Variants in MDN1 observed in about 807,000 individuals in gnomAD.
MDN1 encodes midasin AAA ATPase 1, also known as midasin.
MDN1 carries 266 observed loss-of-function variants against 669.2 expected under a neutral mutation model. That is an observed-to-expected ratio of 0.40 (90% CI 0.36 to 0.44). The LOEUF (loss-of-function observed/expected upper bound fraction) is 0.44. Ranked by LOEUF, MDN1 falls within the 20% of genes least tolerant of loss-of-function variation. The probability of loss-of-function intolerance (pLI) is 1.00; values close to 1 mark genes in which losing one functional copy is unlikely to be tolerated. For synonymous variants in MDN1, 2,385 were observed against 2,457.1 expected (o/e 0.97, Z 0.87); for missense variants, 5,940 against 6,754.0 (o/e 0.88, Z 4.22).
chr6:89,699,620 G>C lies in MDN1; in HGVS notation c.8978C>G (p.Ser2993Cys). Residue 2993 changes from serine (S) to cysteine (C), a missense_variant, in exon 58 of 102, where the codon TCC becomes TGC. Coordinates refer to ENST00000369393, the MANE Select transcript of MDN1 (RefSeq NM_014611.3). ...VTPQELRDLW[S>C]LLHHQKVSPE... ...TTTTACCTTCTGATGATGCAGCAAG[G>C]ACCACAGATCTCGAAGCTCTTGAGG... 2 of 1,613,738 alleles carry C rather than the reference G, an allele frequency of 1.2e-6. No homozygotes were observed. Among genetic ancestry groups the C allele is most frequent in the South Asian group, 2.2e-5 (2 of 90,990 alleles).
At chr6:89,804,758 G>A (rs575725542) in intron 1 of MDN1, among the ~76,000 whole-genome samples, 2 of 152,206 alleles carry the variant, frequency 1.3e-5, no homozygotes, top group East Asian at 3.9e-4. Flanking sequence ...TAGGCCGGGC[G>A]CAGTGGCTCA....
chr6:89,759,562 G>A (rs191688031), intron 17 of MDN1, among the ~76,000 whole-genome samples: 83 of 151,802 alleles, frequency 5.5e-4, no homozygotes, highest in Middle Eastern at 3.4e-3. Context: ...TCAGGAGTTC[G>A]ACACCAGCCT....
chr6:89,777,515 C>T lies in MDN1; in HGVS notation c.1726-820G>A, dbSNP rs181876895. 1.7e-3 allele frequency among the ~76,000 whole-genome samples: 262 copies of T among 152,188 alleles called. 1 individual carries two copies. The highest frequency in any genetic ancestry group is 0.012 in the South Asian group (58 of 4,820). On this transcript the variant is annotated intron_variant, in intron 11 of 101. Coordinates refer to ENST00000369393, the MANE Select transcript of MDN1 (RefSeq NM_014611.3). The stretch of plus-strand genomic sequence containing the variant: ...ACTAACCCCCTCTTTGCTCAGGGAC[C>T]GAAACCTAATGAAAGACCACAAGAT...
chr6:89,721,163 G>A (rs1438942031), intron 40 of MDN1, among the ~76,000 whole-genome samples: 1 of 152,168 alleles, frequency 6.6e-6, no homozygotes, highest in Non-Finnish European at 1.5e-5. Flanking sequence ...AGCTTTTCGA[G>A]GTAGGAGTCG....
At position 89,723,075 on chromosome 6, in the gene MDN1, C is replaced by T. The variant is rs778831817; in HGVS notation, c.5847G>A (p.Arg1949=). ...QKGGPWEFNL[R]DLFRWCQLML... ...TCAACTGACACCAGCGGAAAAGGTCCCGGAGGTTGAATTCCCAGGGTCCTC... is the reference window on the plus strand; with the variant it reads ...TCAACTGACACCAGCGGAAAAGGTCTCGGAGGTTGAATTCCCAGGGTCCTC... The change falls in exon 40 of 102, where the codon CGG becomes CGA. Residue 1949 remains arginine, a synonymous_variant. Transcript: ENST00000369393. 5 of 1,614,028 alleles carry T rather than the reference C, an allele frequency of 3.1e-6. No individual in the cohort carries two copies. The Admixed American group carries it at 8.3e-5, about 27-fold the overall frequency.
chr6:89,698,140 T>C (rs1812895797), intron 59 of MDN1, among the ~76,000 whole-genome samples: 1 of 152,206 alleles, frequency 6.6e-6, no homozygotes, highest in South Asian at 2.1e-4. Flanking sequence ...GACTTCCCTC[T>C]TCACTGGCTC....
chr6:89,797,721 T>C (rs1584387767), intron 2 of MDN1: 2 of 420,782 alleles, frequency 4.8e-6, no homozygotes, highest in East Asian at 7.1e-5. Flanking sequence ...CAGAGGTGGG[T>C]TTGAATTAAA....
Position 89,810,010 on chromosome 6 carries a change from A to AT in MDN1, c.103-6457_103-6456insA, listed in dbSNP as rs1562242802. ...CGTTTCACTAAAAAAAAAAAAAAAA[A>AT]AAAAAAAAAAAAAAAATTAAGTTTG... On this transcript the variant is annotated intron_variant, in intron 1 of 101. Coordinates refer to ENST00000369393, the MANE Select transcript of MDN1 (RefSeq NM_014611.3). 4.8e-4 allele frequency among the ~76,000 whole-genome samples: 59 copies of AT among 122,278 alleles called. 2 individuals carry two copies. The highest frequency in any genetic ancestry group is 1.8e-3 in the Admixed American group (22 of 12,344). The allele number at this position is 122,278 out of a possible 152,430, so 80.2% of individuals were successfully genotyped here. A position where few individuals can be genotyped will look rare whatever the true frequency, so the allele number is the denominator to read the frequency against.
intron 72 of MDN1, 87 bp from the exon 73 acceptor site, chr6:89,683,417 A>C: frequency 2.9e-6 from 3 of 1,034,942 alleles, no homozygotes; most frequent in Non-Finnish European, 4.3e-6. Context: ...ATGCATCCAT[A>C]CATAATCTAA....
At chr6:89,773,678 G>A (rs955536424) in intron 13 of MDN1, among the ~76,000 whole-genome samples, 1 of 151,894 alleles carries the variant, frequency 6.6e-6, no homozygotes, top group African/African-American at 2.4e-5. Flanking sequence ...AAGAAACCAG[G>A]AAGAGGCCAG....
chr6:89,644,877 C>T, intron 101 of MDN1, 138 bp downstream of exon 101: 1 of 896,038 alleles, frequency 1.1e-6, no homozygotes, highest in East Asian at 2.5e-5. Context: ...CAAGTGCCTA[C>T]AATGGTACTT....
At chr6:89,730,948 G>T in intron 34 of MDN1, 25 bp from the exon 35 acceptor site, 1 of 1,604,246 alleles carries the variant, frequency 6.2e-7, no homozygotes, top group South Asian at 1.1e-5. Flanking sequence ...ATCAGTCCAT[G>T]AAGCAACAGT....
At chr6:89,813,290 C>T (rs1028020857) in intron 1 of MDN1, among the ~76,000 whole-genome samples, 8 of 152,090 alleles carry the variant, frequency 5.3e-5, no homozygotes, top group Non-Finnish European at 1.2e-4. Context: ...TGGCTCATGC[C>T]TGTAATCCCA....
intron 34 of MDN1, among the ~76,000 whole-genome samples, chr6:89,732,138 C>CA (rs937204096): frequency 6.6e-6 from 1 of 151,404 alleles, no homozygotes; most frequent in Non-Finnish European, 1.5e-5. Context: ...GGCAACTGGC[C>CA]AAAAAAACAC....
At chr6:89,765,438 AAT>A (rs1194530006) in intron 15 of MDN1, among the ~76,000 whole-genome samples, 1 of 152,220 alleles carries the variant, frequency 6.6e-6, no homozygotes, top group Non-Finnish European at 1.5e-5. Context: ...AATTGAACAA[AAT>A]ATATGTGTCA....
chr6:89,737,453 A>C (rs891503131), intron 33 of MDN1, among the ~76,000 whole-genome samples: 1 of 151,962 alleles, frequency 6.6e-6, no homozygotes, highest in African/African-American at 2.4e-5. Context: ...TAGTCTTGGA[A>C]CCAGATCTGG....
At chr6:89,782,865 A>C (rs1343779981) in intron 9 of MDN1, among the ~76,000 whole-genome samples, 4 of 152,126 alleles carry the variant, frequency 2.6e-5, no homozygotes, top group Non-Finnish European at 5.9e-5. Flanking sequence ...ACGGCAGAGG[A>C]AAATAAATTG....
chr6:89,752,188 C>G (rs1816990305), intron 22 of MDN1, among the ~76,000 whole-genome samples: 1 of 152,128 alleles, frequency 6.6e-6, no homozygotes, highest in South Asian at 2.1e-4. Context: ...ATTTGGTCCC[C>G]AGATTTCAAG....
At chr6:89,691,789 A>C (rs571726001) in intron 63 of MDN1, among the ~76,000 whole-genome samples, 1 of 152,328 alleles carries the variant, frequency 6.6e-6, no homozygotes, top group Non-Finnish European at 1.5e-5. Context: ...GTAGCAATTT[A>C]AGGACATGTC....
Sources: allele counts gnomAD v4.1 joint callset (sites outside exome capture counted in the v4.1 genomes callset), GRCh38; gene constraint gnomAD v4.1.1; transcripts MANE v1.5; gene names NCBI Gene and HGNC (gene_info 2026-07-23, HGNC 2026-07-21).